ADAMTS16: variants seen among roughly 807,000 people sequenced by gnomAD.
The protein encoded by ADAMTS16 is ADAM metallopeptidase with thrombospondin type 1 motif 16, also known as A disintegrin and metalloproteinase with thrombospondin motifs 16.
In ADAMTS16, 94 loss-of-function variants were observed where a neutral mutation model predicts 145.8. The ratio of observed to expected loss-of-function variants is 0.64; its 90% CI spans 0.55 to 0.77. The LOEUF (loss-of-function observed/expected upper bound fraction) is 0.77. Among genes scored for constraint, ADAMTS16 ranks in the 30% least tolerant of loss-of-function variants. The pLI, the probability that ADAMTS16 is intolerant of heterozygous loss-of-function variation, is 0.00. For missense variants in ADAMTS16, 1,585 were observed against 1,591.5 expected (o/e 1.00, Z 0.07); for synonymous variants, 659 against 604.3 (o/e 1.09, Z -1.33).
chr5:5,217,180 C>T (rs1015150084), intron 10 of ADAMTS16, among the ~76,000 whole-genome samples: 55 of 152,010 alleles, frequency 3.6e-4, no homozygotes, highest in African/African-American at 1.3e-3. Flanking sequence ...CCCTTCCTTA[C>T]ACCTTATACA....
intron 18 of ADAMTS16, among the ~76,000 whole-genome samples, chr5:5,274,693 C>CAT (rs1023445389): frequency 1.3e-5 from 2 of 148,252 alleles, no homozygotes; most frequent in Non-Finnish European, 3.0e-5. Context: ...TACATATATA[C>CAT]ATATATATAC....
chr5:5,261,429 T>C lies in ADAMTS16; in HGVS notation c.2663-1228T>C, dbSNP rs114622736. Among the ~76,000 whole-genome samples, 1,353 of 151,960 alleles carry C rather than the reference T, an allele frequency of 8.9e-3. 19 individuals carry two copies. The highest frequency in any genetic ancestry group is 0.031 in the African/African-American group (1,270 of 41,436). On this transcript the variant is annotated intron_variant, in intron 17 of 22. Coordinates refer to ENST00000274181, the MANE Select transcript of ADAMTS16 (RefSeq NM_139056.4). Reference sequence around the variant, plus strand: ...CTGGGATTACAAGTGCGAGCCACCATGCCTGGCCCTGCATTCACTCTTTAA... The same window carrying C: ...CTGGGATTACAAGTGCGAGCCACCACGCCTGGCCCTGCATTCACTCTTTAA...
intron 17 of ADAMTS16, among the ~76,000 whole-genome samples, chr5:5,244,526 CTG>C: frequency 6.6e-6 from 1 of 152,270 alleles, no homozygotes; most frequent in South Asian, 2.1e-4. Flanking sequence ...CCTTTCATGT[CTG>C]TGAAGTTTAA....
At chr5:5,239,368 A>C (rs1579333566) in intron 15 of ADAMTS16, 94 bp downstream of exon 15, 1 of 1,481,630 alleles carries the variant, frequency 6.7e-7, no homozygotes, top group Non-Finnish European at 9.0e-7. Flanking sequence ...AAACAGCAGG[A>C]CTTCCTTCCG....
At chr5:5,298,099 T>C (rs912179314) in intron 18 of ADAMTS16, among the ~76,000 whole-genome samples, 19 of 152,314 alleles carry the variant, frequency 1.2e-4, no homozygotes, top group Middle Eastern at 3.4e-3. Flanking sequence ...CCAAGGGTCC[T>C]GCCCTGCCAG....
intron 18 of ADAMTS16, among the ~76,000 whole-genome samples, chr5:5,276,877 G>GAA (rs35093321): frequency 1.1e-3 from 169 of 150,846 alleles, no homozygotes; most frequent in East Asian, 8.2e-3. Context: ...GAAGGAAAAT[G>GAA]AAAAAAAAAA....
intron 9 of ADAMTS16, among the ~76,000 whole-genome samples, chr5:5,208,733 G>T (rs533768945): frequency 6.6e-6 from 1 of 152,126 alleles, no homozygotes; most frequent in East Asian, 1.9e-4. Context: ...CCCATCTTTT[G>T]GTTGATTCTG....
chr5:5,306,079 C>T (rs1740141753), intron 20 of ADAMTS16, among the ~76,000 whole-genome samples: 1 of 152,194 alleles, frequency 6.6e-6, no homozygotes. Context: ...AGATTGTGAG[C>T]CCTGAGTTTC....
At chr5:5,177,331 G>A (rs1018069702) in intron 3 of ADAMTS16, among the ~76,000 whole-genome samples, 3 of 152,204 alleles carry the variant, frequency 2.0e-5, no homozygotes, top group African/African-American at 7.2e-5. Flanking sequence ...CTGGGCAAAT[G>A]ACTGAAATTG....
chr5:5,234,989 T>C, intron 12 of ADAMTS16, 25 bp from the exon 13 acceptor site: 1 of 1,512,358 alleles, frequency 6.6e-7, no homozygotes, highest in Non-Finnish European at 8.9e-7. Context: ...ATATAAAAAT[T>C]CTAACTTCAA....
Position 5,235,159 on chromosome 5 carries a change from A to C in ADAMTS16, c.1996A>C (p.Lys666Gln). 1 of 1,583,952 alleles carries C rather than the reference A, an allele frequency of 6.3e-7. No homozygotes were observed. Among genetic ancestry groups the C allele is most frequent in the Non-Finnish European group, 8.6e-7 (1 of 1,156,194 alleles). Reference protein sequence around the residue: ...NSRRFRGRHYKWKPYTQVEDQ... With the variant: ...NSRRFRGRHYQWKPYTQVEDQ... ...CAGACGATTCAGAGGGCGGCACTAC[A>C]AGTGGAAGCCTTACACTCAAGTAGA... Residue 666 changes from lysine to glutamine, a missense_variant, in exon 13 of 23, where the codon AAG (lysine) becomes CAG (glutamine). By Grantham distance (53) the Lys-to-Gln change is moderately conservative. This residue lies in a region of ADAMTS16 where 834 missense variants were observed against 811.7 expected (regional missense o/e 1.03). Coordinates refer to ENST00000274181, the MANE Select transcript of ADAMTS16 (RefSeq NM_139056.4).
intron 3 of ADAMTS16, among the ~76,000 whole-genome samples, chr5:5,181,489 T>G (rs1298432272): frequency 1.3e-5 from 2 of 152,226 alleles, no homozygotes; most frequent in Non-Finnish European, 2.9e-5. Context: ...TTTAATATCT[T>G]GCTTAGAGAA....
chr5:5,308,478 T>C (rs1579412397), intron 21 of ADAMTS16, among the ~76,000 whole-genome samples: 1 of 152,158 alleles, frequency 6.6e-6, no homozygotes, highest in East Asian at 1.9e-4. Flanking sequence ...CAGGTGTTGC[T>C]GTGAGCTATC....
At chr5:5,144,889 G>A (rs1400751865) in intron 2 of ADAMTS16, among the ~76,000 whole-genome samples, 1 of 152,194 alleles carries the variant, frequency 6.6e-6, no homozygotes, top group African/African-American at 2.4e-5. Flanking sequence ...GCAAGCTGCA[G>A]TCAGGTGCCA....
rs551791220 is a variant in ADAMTS16, at chr5:5,172,891, A to G, written c.502-9153A>G. Reference sequence around the variant, plus strand: ...GCTCTGATAACAATTTGCTTTTTATATCTGGGTGCTGCAATATTGAGTGCA... The same window carrying G: ...GCTCTGATAACAATTTGCTTTTTATGTCTGGGTGCTGCAATATTGAGTGCA... On this transcript the variant is annotated intron_variant, in intron 3 of 22. Transcript: ENST00000274181. 5.0e-4 allele frequency among the ~76,000 whole-genome samples: 76 copies of G among 152,214 alleles called. 1 individual carries two copies. In the South Asian group the frequency reaches 0.01, roughly 20 times the overall value.
At chr5:5,208,196 C>A (rs181073794) in intron 9 of ADAMTS16, among the ~76,000 whole-genome samples, 2 of 152,250 alleles carry the variant, frequency 1.3e-5, no homozygotes, top group African/African-American at 4.8e-5. Flanking sequence ...AGCAGTGGAA[C>A]GTGGGACTGG....
At chr5:5,197,785 C>T (rs1336134346) in intron 8 of ADAMTS16, among the ~76,000 whole-genome samples, 1 of 152,176 alleles carries the variant, frequency 6.6e-6, no homozygotes, top group Non-Finnish European at 1.5e-5. Flanking sequence ...TGCTGGCATT[C>T]ATTGCATTAC....
intron 3 of ADAMTS16, among the ~76,000 whole-genome samples, chr5:5,159,142 T>C (rs554456955): frequency 2.0e-5 from 3 of 152,324 alleles, no homozygotes; most frequent in South Asian, 2.1e-4. Flanking sequence ...GAACCTACAA[T>C]TGAAGGACTG....
intron 3 of ADAMTS16, among the ~76,000 whole-genome samples, chr5:5,169,582 A>C (rs999795169): frequency 3.3e-5 from 5 of 152,136 alleles, no homozygotes; most frequent in Non-Finnish European, 5.9e-5. Flanking sequence ...CAGAGCCATT[A>C]GTGATTTTCC....
Sources: allele counts gnomAD v4.1 joint callset (sites outside exome capture counted in the v4.1 genomes callset), GRCh38; gene constraint gnomAD v4.1.1; regional missense constraint gnomAD v4.1.1; transcripts MANE v1.5; gene names NCBI Gene and HGNC (gene_info 2026-07-23, HGNC 2026-07-21).